The following CYP24A1 variants were observed in gnomAD, a reference collection of about 807,000 sequenced individuals.
CYP24A1 encodes 1,25-dihydroxyvitamin D(3) 24-hydroxylase, mitochondrial.
Under a neutral mutation model 62.4 loss-of-function variants are expected in CYP24A1, and 68 were observed. That is an observed-to-expected ratio of 1.09 (90% confidence interval 0.90 to 1.33). The LOEUF (loss-of-function observed/expected upper bound fraction) is 1.33. Among genes scored for constraint, CYP24A1 ranks in the 40% most tolerant of loss-of-function variants. The probability of loss-of-function intolerance (pLI) is 0.00; values close to 1 mark genes in which losing one functional copy is unlikely to be tolerated. For missense variants in CYP24A1, 787 were observed against 653.0 expected, an observed-to-expected ratio of 1.21 and a Z score of -2.24; for synonymous variants, 267 against 253.0, an observed-to-expected ratio of 1.06 and a Z score of -0.52.
rs756554403 is a variant in CYP24A1, at chr20:54,171,727, A to G, written c.450-57T>C. 9.9e-6 allele frequency: 16 copies of G among 1,613,882 alleles called. No homozygotes were observed. In the South Asian group the frequency reaches 1.5e-4, roughly 16 times the overall value. On this transcript the variant is annotated intron_variant, in intron 2 of 11. Coordinates refer to ENST00000216862, the MANE Select transcript of CYP24A1 (RefSeq NM_000782.5). ...CACTGAAAAGAAAAGAAGGAGATGC[A>G]GAAATACTCCAGCTGCAACTTCAGG...
rs761930941 is a variant in CYP24A1, at chr20:54,162,871, GC to G, written c.845-10del. 110 of 1,547,854 alleles carry G rather than the reference GC, an allele frequency of 7.1e-5. No individual in the cohort carries two copies. Among genetic ancestry groups the G allele is most frequent in the Non-Finnish European group, 9.2e-5 (103 of 1,120,050 alleles). ...GTCGATACAAGCTTTGACTATTAGA[GC>G]AGAGAAGAAAGAGAGGAAGTCAGCT... is the stretch of plus-strand genomic sequence containing the variant. On this transcript the variant is annotated splice_polypyrimidine_tract_variant and intron_variant, in intron 6 of 11. Transcript: ENST00000216862.
chr20:54,149,828 T>A (rs772079386), downstream of CYP24A1, among the ~76,000 whole-genome samples: 5 of 152,218 alleles, frequency 3.3e-5, no homozygotes, highest in Non-Finnish European at 5.9e-5. Context: ...ACCTCTTGCC[T>A]TATTTCTCAT....
intron 8 of CYP24A1, 99 bp from the exon 9 acceptor site, chr20:54,158,263 G>A (rs2092636985): frequency 6.4e-7 from 1 of 1,571,642 alleles, no homozygotes; most frequent in African/African-American, 1.3e-5. Flanking sequence ...TGCTGCCCAA[G>A]TGCATACTCA....
At chr20:54,144,644 CAT>C in the CYP24A1 span, among the ~76,000 whole-genome samples, 3 of 148,642 alleles carry the variant, frequency 2.0e-5, no homozygotes, top group African/African-American at 7.4e-5. Flanking sequence ...AATATAGTAA[CAT>C]ATTATTAACT....
At chr20:54,147,660 G>T in the CYP24A1 span, among the ~76,000 whole-genome samples, 1 of 152,186 alleles carries the variant, frequency 6.6e-6, no homozygotes, top group Non-Finnish European at 1.5e-5. Context: ...GCTTCTAAGA[G>T]TTTTAGTGCA....
In CYP24A1 at chr20:54,172,908, C is replaced by A. The variant is rs777927687; in HGVS notation, c.449+1G>T. ...GCCCAGGTCCCTCGGATTGGACTCA[C>A]AGGATCAGCAGCCCGTAGCCTTCTT... On this transcript the variant is annotated splice_donor_variant, in intron 2 of 11. Transcript: ENST00000216862. LOFTEE classifies it high-confidence loss of function. The A allele has an allele frequency of 1.9e-6, 3 of 1,613,642 alleles. No individual in the cohort carries two copies. The highest frequency in any genetic ancestry group is 2.2e-5 in the East Asian group (1 of 44,894).
At chr20:54,163,013 T>C in intron 6 of CYP24A1, 151 bp from the exon 7 acceptor site, 1 of 690,016 alleles carries the variant, frequency 1.4e-6, no homozygotes, top group East Asian at 2.7e-5. Flanking sequence ...AATTATATTA[T>C]TGCCTTCTTG....
At chr20:54,162,579 T>C (rs1034745780) in intron 7 of CYP24A1, 138 bp downstream of exon 7, 1 of 607,336 alleles carries the variant, frequency 1.6e-6, no homozygotes, top group South Asian at 1.6e-5. Flanking sequence ...TGGCATCTAG[T>C]ATGAGACTTT....
intron 7 of CYP24A1, among the ~76,000 whole-genome samples, chr20:54,160,258 T>C (rs1032090845): frequency 2.6e-5 from 4 of 152,254 alleles, no homozygotes; most frequent in African/African-American, 9.6e-5. Flanking sequence ...TGGCATCTTT[T>C]ATTTCCTCTG....
chr20:54,171,583 G>T lies in CYP24A1; in HGVS notation c.537C>A (p.Ile179=), dbSNP rs1464876702. The T allele has an allele frequency of 8.7e-6, 14 of 1,613,734 alleles. No homozygotes were observed. The highest frequency in any genetic ancestry group is 8.5e-7 in the Non-Finnish European group (1 of 1,179,870). Residue 179 remains isoleucine, a synonymous_variant, in exon 3 of 12, where the codon ATC becomes ATA. Coordinates refer to ENST00000216862, the MANE Select transcript of CYP24A1 (RefSeq NM_000782.5). ...PGEVMKLDNK[I]NEVLADFMGR... ...CTGGCCCCAGCCTGCAGACCTCATTGATTTTGTTGTCCAGCTTCATCACTT... is the reference window on the plus strand; with the variant it reads ...CTGGCCCCAGCCTGCAGACCTCATTTATTTTGTTGTCCAGCTTCATCACTT...
At chr20:54,158,783 A>G (rs2092638973) in intron 8 of CYP24A1, among the ~76,000 whole-genome samples, 174 bp downstream of exon 8, 1 of 152,208 alleles carries the variant, frequency 6.6e-6, no homozygotes, top group African/African-American at 2.4e-5. Context: ...ATTTGCCCAA[A>G]TGATTTAGGA....
chr20:54,152,826 G>C (rs1027572498), downstream of CYP24A1, among the ~76,000 whole-genome samples: 1 of 152,160 alleles, frequency 6.6e-6, no homozygotes, highest in Non-Finnish European at 1.5e-5. Context: ...GATCAGGTTT[G>C]GGTTTGAAAA....
intron 8 of CYP24A1, 51 bp from the exon 9 acceptor site, chr20:54,158,215 C>T (rs1042705559): frequency 6.2e-7 from 1 of 1,609,944 alleles, no homozygotes; most frequent in Non-Finnish European, 8.5e-7. Context: ...TAAGTTCTCT[C>T]TGAAGTGTCA....
chr20:54,167,497 C>T (rs1225872879), intron 4 of CYP24A1, among the ~76,000 whole-genome samples: 1 of 152,118 alleles, frequency 6.6e-6, no homozygotes, highest in Non-Finnish European at 1.5e-5. Flanking sequence ...GTTAGTCAGG[C>T]GTGGTATCGC....
intron 4 of CYP24A1, among the ~76,000 whole-genome samples, chr20:54,168,694 T>C (rs56109195): frequency 0.19 from 28,816 of 151,186 alleles, 3,116 homozygotes; most frequent in Non-Finnish European, 0.24. Flanking sequence ...CTTTTCTTCT[T>C]TATTTCTTTT....
intron 4 of CYP24A1, among the ~76,000 whole-genome samples, chr20:54,167,575 C>A (rs1489446795): frequency 6.6e-6 from 1 of 152,114 alleles, no homozygotes; most frequent in Non-Finnish European, 1.5e-5. Flanking sequence ...AGTTCGAGAC[C>A]AGCCTGGGCA....
chr20:54,157,310 A>G (rs1346729233), intron 10 of CYP24A1, 21 bp from the exon 11 acceptor site: 4 of 1,510,116 alleles, frequency 2.6e-6, no homozygotes, highest in South Asian at 1.1e-5. Context: ...CACGCACACA[A>G]AAACAGAATT....
At position 54,153,919 on chromosome 20, in the gene CYP24A1, T is replaced by C. The variant is rs889461585; in HGVS notation, c.*853A>G. 2 of 152,542 alleles carry C rather than the reference T, an allele frequency of 1.3e-5. No homozygotes were observed. The highest frequency in any genetic ancestry group is 4.8e-5 in the African/African-American group (2 of 41,578). 9.4% of individuals were successfully genotyped at this position (152,542 alleles called of 1,614,324 possible). Reference sequence around the variant, plus strand: ...TGGCATGGGAAATCATTTTATAATATTAAAGTCACACTGAATGTTTTTAAG... The same window carrying C: ...TGGCATGGGAAATCATTTTATAATACTAAAGTCACACTGAATGTTTTTAAG... On this transcript the variant is annotated 3_prime_UTR_variant, in exon 12 of 12. Transcript: ENST00000216862.
At chr20:54,169,539 T>C (rs1318125686) in intron 4 of CYP24A1, 53 bp downstream of exon 4, 2 of 1,613,110 alleles carry the variant, frequency 1.2e-6, no homozygotes, top group African/African-American at 2.7e-5. Context: ...AGCCATGTTT[T>C]ATCCGCAAAA....
Sources: allele counts gnomAD v4.1 joint callset (sites outside exome capture counted in the v4.1 genomes callset), GRCh38; gene constraint gnomAD v4.1.1; transcripts MANE v1.5; gene names NCBI Gene and HGNC (gene_info 2026-07-23, HGNC 2026-07-21).